The following RANBP17 variants were observed in gnomAD, a reference collection of about 807,000 sequenced individuals.
RANBP17 encodes the protein ran-binding protein 17.
RANBP17 carries 158 observed loss-of-function variants against 141.2 expected under a neutral mutation model. The ratio of observed to expected loss-of-function variants is 1.12; its 90% CI spans 0.98 to 1.28. RANBP17 has a LOEUF of 1.28. Ranked by LOEUF, RANBP17 falls within the 50% of genes most tolerant of loss-of-function variation. RANBP17 has a pLI of 0.00. For synonymous variants in RANBP17, 430 were observed against 450.0 expected (o/e 0.96, Z 0.56); for missense variants, 1,438 against 1,290.7 (o/e 1.11, Z -1.75).
intron 25 of RANBP17, among the ~76,000 whole-genome samples, chr5:171,291,968 A>C (rs969519389): frequency 1.3e-5 from 2 of 152,236 alleles, no homozygotes; most frequent in African/African-American, 2.4e-5. Flanking sequence ...ACATCACTTC[A>C]AGATGCTTTT....
rs893011346 is a variant in RANBP17 at position 171,045,752 on chromosome 5, T to C, written c.1710+77375T>C. Among the ~76,000 whole-genome samples, 3 of 152,306 alleles carry C rather than the reference T, an allele frequency of 2.0e-5. No homozygotes were observed. The East Asian group carries it at 5.8e-4, about 29-fold the overall frequency. On this transcript the variant is annotated intron_variant, in intron 14 of 27. Transcript: ENST00000523189. ...TCTTTTCTGGTGTACAGTTCTGTTTTAACCCAAGTATATATTCATGTAACC... is the reference window on the plus strand; with the variant it reads ...TCTTTTCTGGTGTACAGTTCTGTTTCAACCCAAGTATATATTCATGTAACC...
intron 14 of RANBP17, among the ~76,000 whole-genome samples, chr5:171,071,653 C>CAAAAAAAAAAAAAAAAAAAAAAA (rs34555837): frequency 1.4e-5 from 1 of 69,618 alleles, no homozygotes; most frequent in African/African-American, 5.9e-5. Context: ...CAGCTTTATG[C>CAAAAAAAAAAAAAAAAAAAAAAA]AAAAAAAAAA....
intron 14 of RANBP17, among the ~76,000 whole-genome samples, chr5:171,071,853 A>G (rs1325635077): frequency 2.6e-5 from 4 of 152,076 alleles, no homozygotes; most frequent in Non-Finnish European, 4.4e-5. Context: ...AACACAACTC[A>G]TTAAAACTTT....
chr5:170,984,855 A>G (rs1778014341), intron 14 of RANBP17, among the ~76,000 whole-genome samples: 1 of 152,144 alleles, frequency 6.6e-6, no homozygotes, highest in Non-Finnish European at 1.5e-5. Context: ...AATTTTAAGT[A>G]TTATTTTTTA....
At chr5:171,175,044 TGTG>T (rs1265996406) in intron 16 of RANBP17, among the ~76,000 whole-genome samples, 1 of 152,000 alleles carries the variant, frequency 6.6e-6, no homozygotes, top group Non-Finnish European at 1.5e-5. Flanking sequence ...AGTGAGAACA[TGTG>T]GTGTTTGGTT....
chr5:170,937,871 G>A (rs1486068735), intron 12 of RANBP17, among the ~76,000 whole-genome samples: 1 of 152,180 alleles, frequency 6.6e-6, no homozygotes, highest in Non-Finnish European at 1.5e-5. Context: ...CAGACAATTA[G>A]TGTTTGGTTC....
chr5:170,889,239 A>G (rs1157250578), intron 3 of RANBP17, among the ~76,000 whole-genome samples: 1 of 151,858 alleles, frequency 6.6e-6, no homozygotes, highest in Non-Finnish European at 1.5e-5. Flanking sequence ...CCATCAGAGG[A>G]TTTTTAGTTA....
At position 171,047,769 on chromosome 5, in the gene RANBP17, G is replaced by A. The variant is rs1782690242; in HGVS notation, c.1710+79392G>A. 3.3e-5 allele frequency among the ~76,000 whole-genome samples: 5 copies of A among 152,176 alleles called. No homozygotes were observed. In the South Asian group the frequency reaches 1.0e-3, roughly 32 times the overall value. On this transcript the variant is annotated intron_variant, in intron 14 of 27. Transcript: ENST00000523189. ...GAGTTTTGAGAATACTTTATATATA[G>A]ATTTTGACTACAAGTTCTTTGTTGG... is the stretch of plus-strand genomic sequence containing the variant.
At chr5:171,184,021 G>T (rs1377600084) in intron 18 of RANBP17, among the ~76,000 whole-genome samples, 1 of 152,182 alleles carries the variant, frequency 6.6e-6, no homozygotes, top group Non-Finnish European at 1.5e-5. Context: ...AGGCTTAAGT[G>T]AAATTCTTCA....
intron 14 of RANBP17, among the ~76,000 whole-genome samples, chr5:170,970,041 A>G (rs1776872189): frequency 6.6e-6 from 1 of 151,934 alleles, no homozygotes; most frequent in African/African-American, 2.4e-5. Flanking sequence ...GTCCTTAATT[A>G]TGTGTCCCGT....
Position 171,090,162 on chromosome 5 carries a change from C to G in RANBP17, c.1711-79968C>G, listed in dbSNP as rs527538179. 4.3e-4 allele frequency among the ~76,000 whole-genome samples: 66 copies of G among 152,278 alleles called. 2 individuals carry two copies. The South Asian group carries it at 0.013, about 31-fold the overall frequency. On this transcript the variant is annotated intron_variant, in intron 14 of 27. Transcript: ENST00000523189. ...AAAATGTGGAAGAGTTTGGAACTCCCTAGAGACTTGTTGAATGGCTTTGAC... is the reference window on the plus strand; with the variant it reads ...AAAATGTGGAAGAGTTTGGAACTCCGTAGAGACTTGTTGAATGGCTTTGAC...
At chr5:170,895,569 A>G (rs1770044949) in intron 4 of RANBP17, among the ~76,000 whole-genome samples, 1 of 152,196 alleles carries the variant, frequency 6.6e-6, no homozygotes, top group Admixed American at 6.5e-5. Context: ...AAGTGATCCT[A>G]TCTGATATTA....
chr5:171,145,697 T>A (rs1757988360), intron 14 of RANBP17, among the ~76,000 whole-genome samples: 1 of 152,138 alleles, frequency 6.6e-6, no homozygotes, highest in Admixed American at 6.5e-5. Context: ...ATAACAGTAA[T>A]GAAATTGTTA....
intron 14 of RANBP17, among the ~76,000 whole-genome samples, chr5:171,116,841 T>A (rs1236036916): frequency 6.6e-6 from 1 of 152,176 alleles, no homozygotes; most frequent in African/African-American, 2.4e-5. Context: ...CAGACTTTAA[T>A]ATTCTCTATT....
chr5:171,027,941 A>G (rs1041835160), intron 14 of RANBP17, among the ~76,000 whole-genome samples: 1 of 152,062 alleles, frequency 6.6e-6, no homozygotes, highest in Non-Finnish European at 1.5e-5. Context: ...TTAAAGTATC[A>G]TCTGTTAGCT....
At chr5:171,186,815 A>G (rs541182209) in intron 18 of RANBP17, among the ~76,000 whole-genome samples, 13 of 151,918 alleles carry the variant, frequency 8.6e-5, no homozygotes, top group South Asian at 8.3e-4. Flanking sequence ...ATGATTTTCT[A>G]TACAGACCAG....
intron 22 of RANBP17, among the ~76,000 whole-genome samples, chr5:171,225,632 G>T (rs906290882): frequency 1.3e-5 from 2 of 152,148 alleles, no homozygotes; most frequent in African/African-American, 4.8e-5. Flanking sequence ...GAGGAAAGAG[G>T]CCAGAACATT....
intron 14 of RANBP17, among the ~76,000 whole-genome samples, chr5:171,142,642 C>CT (rs1358690658): frequency 6.6e-6 from 1 of 152,152 alleles, no homozygotes; most frequent in Admixed American, 6.5e-5. Context: ...CAAAACATGA[C>CT]TTTTTTTCCT....
At chr5:171,038,707 T>TA (rs1782046206) in intron 14 of RANBP17, among the ~76,000 whole-genome samples, 1 of 152,210 alleles carries the variant, frequency 6.6e-6, no homozygotes, top group Non-Finnish European at 1.5e-5. Context: ...GAGATGGTTT[T>TA]ATTGAAAGTT....
Sources: gnomAD v4.1 joint callset for allele counts (sites outside exome capture counted in the v4.1 genomes callset) on GRCh38, gnomAD v4.1.1 for gene constraint, MANE v1.5 for transcripts, NCBI Gene and HGNC (gene_info 2026-07-23, HGNC 2026-07-21) for gene names.